Variants in PHF24 observed in about 807,000 individuals in gnomAD.
PHF24 encodes Galpha inhibitory interacting protein.
A neutral mutation model predicts 42.6 loss-of-function variants in PHF24; 25 were observed. The observed-to-expected ratio is 0.59, with a 90% CI of 0.43 to 0.82. The LOEUF is 0.82. PHF24 is among the 40% of genes least tolerant of loss of function. The pLI is 0.00. For synonymous variants in PHF24, 185 were observed against 204.8 expected (o/e 0.90, Z 0.83); for missense variants, 470 against 538.1 (o/e 0.87, Z 1.25).
the PHF24 span, among the ~76,000 whole-genome samples, chr9:34,758,423 C>T: frequency 6.6e-6 from 1 of 152,102 alleles, no homozygotes; most frequent in African/African-American, 2.4e-5. The surrounding 1 kb of genome is among the most constrained non-coding windows in gnomAD (Gnocchi z 4.4). Flanking sequence ...TGGGTTTGCC[C>T]TAGGTGAACT....
the PHF24 span, among the ~76,000 whole-genome samples, chr9:34,677,091 C>T: frequency 3.9e-5 from 6 of 152,354 alleles, no homozygotes; most frequent in Non-Finnish European, 8.8e-5. Context: ...AGCTTGTCTT[C>T]GTCTTCTCCC....
chr9:34,821,518 G>T, the PHF24 span, among the ~76,000 whole-genome samples: 5 of 152,156 alleles, frequency 3.3e-5, no homozygotes, highest in Non-Finnish European at 7.4e-5. Context: ...CTATTTTGTA[G>T]TATATGTACG....
chr9:34,852,286 A>G, the PHF24 span, among the ~76,000 whole-genome samples: 1 of 152,216 alleles, frequency 6.6e-6, no homozygotes, highest in East Asian at 1.9e-4. Flanking sequence ...ACAGTAGGCT[A>G]TTGGTAAATT....
the PHF24 span, among the ~76,000 whole-genome samples, chr9:34,686,475 A>G: frequency 1.3e-5 from 2 of 152,128 alleles, no homozygotes; most frequent in Admixed American, 6.5e-5. Context: ...TGTTAATCAT[A>G]TGTGTATTGG....
the PHF24 span, among the ~76,000 whole-genome samples, chr9:34,872,281 G>T: frequency 2.7e-5 from 4 of 150,704 alleles, no homozygotes; most frequent in African/African-American, 9.8e-5. Context: ...ATGTATACAT[G>T]TGCCATGCTG....
At chr9:34,776,820 TTGGGACAACAC>T in the PHF24 span, among the ~76,000 whole-genome samples, 1 of 152,150 alleles carries the variant, frequency 6.6e-6, no homozygotes, top group Non-Finnish European at 1.5e-5. Flanking sequence ...GACAACACAA[TTGGGACAACAC>T]AATTGGTCCC....
the PHF24 span, chr9:34,835,841 C>G: frequency 3.0e-6 from 4 of 1,332,556 alleles, no homozygotes; most frequent in South Asian, 2.5e-5. Context: ...GAATGGAGCT[C>G]TATACTCTGC....
chr9:34,717,740 G>A, the PHF24 span, among the ~76,000 whole-genome samples: 1 of 152,136 alleles, frequency 6.6e-6, no homozygotes, highest in Non-Finnish European at 1.5e-5. Context: ...TTTGCAGGAT[G>A]GATTTGGACT....
the PHF24 span, chr9:34,725,047 G>T: frequency 1.3e-6 from 2 of 1,552,028 alleles, no homozygotes; most frequent in African/African-American, 1.4e-5. Context: ...TGTGATGCAG[G>T]TCCGGGTCAC....
the PHF24 span, chr9:34,833,147 T>C: frequency 6.4e-7 from 1 of 1,551,274 alleles, no homozygotes; most frequent in South Asian, 1.2e-5. Flanking sequence ...TTTGGTTTCC[T>C]CTGGGTCCTC....
At chr9:34,890,375 T>G in the PHF24 span, among the ~76,000 whole-genome samples, 1 of 152,190 alleles carries the variant, frequency 6.6e-6, no homozygotes, top group African/African-American at 2.4e-5. Context: ...TGCAAAGACC[T>G]GGTCTAAGGG....
the PHF24 span, among the ~76,000 whole-genome samples, chr9:34,789,381 CTT>C: frequency 6.6e-6 from 1 of 152,168 alleles, no homozygotes; most frequent in Non-Finnish European, 1.5e-5. Context: ...TTGGCTGATT[CTT>C]TCTTCCAAAG....
chr9:34,758,704 G>A, the PHF24 span, among the ~76,000 whole-genome samples: 4 of 152,036 alleles, frequency 2.6e-5, no homozygotes, highest in African/African-American at 7.2e-5. The surrounding 1 kb of genome is among the most constrained non-coding windows in gnomAD (Gnocchi z 4.4). Context: ...GGGGATTGGC[G>A]GGGGATAGGC....
the PHF24 span, among the ~76,000 whole-genome samples, chr9:34,907,064 G>A: frequency 6.6e-6 from 1 of 152,052 alleles, no homozygotes; most frequent in East Asian, 1.9e-4. Context: ...TGGCCTCAAG[G>A]GATCCTCCCT....
the PHF24 span, among the ~76,000 whole-genome samples, chr9:34,722,688 C>T: frequency 7.3e-4 from 111 of 152,302 alleles, no homozygotes; most frequent in African/African-American, 2.6e-3. Context: ...TGATTGCTTC[C>T]TCCTGTGGCA....
the PHF24 span, chr9:34,918,295 A>T: frequency 3.9e-5 from 46 of 1,177,792 alleles, no homozygotes; most frequent in Non-Finnish European, 5.1e-5. Context: ...TACAAAAACT[A>T]AGTGGACTAG....
chr9:34,971,104 A>G (rs189751251), intron 1 of PHF24, among the ~76,000 whole-genome samples, 191 bp from the exon 2 acceptor site: 5 of 152,298 alleles, frequency 3.3e-5, no homozygotes, highest in Admixed American at 2.6e-4. Flanking sequence ...AATTAAATAA[A>G]TAAATAAATA....
the PHF24 span, among the ~76,000 whole-genome samples, chr9:34,862,213 C>T: frequency 1.3e-5 from 2 of 152,134 alleles, no homozygotes; most frequent in African/African-American, 2.4e-5. Flanking sequence ...AAACTCAAAA[C>T]GTGGTCTAGA....
chr9:34,954,775 T>A (rs976253617), upstream of PHF24, among the ~76,000 whole-genome samples: 5 of 152,224 alleles, frequency 3.3e-5, no homozygotes, highest in Non-Finnish European at 5.9e-5. Context: ...ATGTTACTAC[T>A]CTGCTCAAAA....
Sources: allele counts gnomAD v4.1 joint callset (sites outside exome capture counted in the v4.1 genomes callset), GRCh38; gene constraint gnomAD v4.1.1; non-coding constraint Gnocchi (gnomAD v3.1); transcripts MANE v1.5; gene names NCBI Gene and HGNC (gene_info 2026-07-23, HGNC 2026-07-21).